Variants in CHEK2 observed in about 807,000 individuals in gnomAD.
CHEK2 encodes serine/threonine-protein kinase Chk2.
In CHEK2, 71 loss-of-function variants were observed where a neutral mutation model predicts 69.1. That is an observed-to-expected ratio of 1.03 (90% CI 0.85 to 1.25). The LOEUF is 1.25. CHEK2 is among the 50% of genes most tolerant of loss of function. The pLI is 0.00. For synonymous variants in CHEK2, 189 were observed against 226.9 expected (o/e 0.83, Z 1.50); for missense variants, 664 against 649.6 (o/e 1.02, Z -0.24).
At chr22:28,692,300 CATCAAA>C (rs576299845) in intron 13 of CHEK2, among the ~76,000 whole-genome samples, 457 of 152,226 alleles carry the variant, frequency 3.0e-3, no homozygotes, top group Admixed American at 8.3e-3. Context: ...TTCTCTTTTT[CATCAAA>C]ATTAAAATCC....
At chr22:28,741,449 T>C (rs1046617910) in intron 1 of CHEK2, among the ~76,000 whole-genome samples, 1 of 152,098 alleles carries the variant, frequency 6.6e-6, no homozygotes, top group African/African-American at 2.4e-5. Flanking sequence ...TCTATAAGTA[T>C]TTTATAGATT....
intron 4 of CHEK2, chr22:28,721,494 C>T (rs2053780450): frequency 8.5e-6 from 3 of 354,348 alleles, no homozygotes; most frequent in South Asian, 4.5e-5. Flanking sequence ...ACCACGTTGA[C>T]CAGGCTGGTC....
chr22:28,713,442 C>G (rs1044004115), intron 5 of CHEK2, among the ~76,000 whole-genome samples: 3 of 151,382 alleles, frequency 2.0e-5, no homozygotes, highest in African/African-American at 7.3e-5. Context: ...TCACCGCAAG[C>G]TCCGCCTCCC....
Position 28,710,050 on chromosome 22 carries a change from G to A in CHEK2, c.802C>T (p.Leu268Phe), listed in dbSNP as rs766462610. 6.4e-7 allele frequency: 1 copy of A among 1,560,276 alleles called. No homozygotes were observed. The highest frequency in any genetic ancestry group is 8.8e-7 in the Non-Finnish European group (1 of 1,133,386). Reference sequence around the variant, plus strand: ...ATTTCTATTTCTGTTTCAACATTGAGAGCTGGGTCCTTTGATAAACAGAAT... The same window carrying A: ...ATTTCTATTTCTGTTTCAACATTGAAAGCTGGGTCCTTTGATAAACAGAAT... ...IGSAREADPA[L>F]NVETEIEILK... The change falls in exon 7 of 15, where the codon CTC becomes TTC. Residue 268 changes from leucine (L) to phenylalanine (F), a missense_variant. Coordinates refer to ENST00000404276, the MANE Select transcript of CHEK2 (RefSeq NM_007194.4).
intron 4 of CHEK2, among the ~76,000 whole-genome samples, chr22:28,722,463 C>T (rs2053822510): frequency 1.3e-5 from 2 of 150,356 alleles, no homozygotes; most frequent in African/African-American, 4.9e-5. Context: ...TGGCGTGAAC[C>T]CAGGAGGCGG....
At chr22:28,696,020 A>C in intron 10 of CHEK2, 147 bp from the exon 11 acceptor site, 1 of 693,896 alleles carries the variant, frequency 1.4e-6, no homozygotes, top group East Asian at 2.7e-5. Flanking sequence ...TTACAGATTC[A>C]TGTCTTTGCA....
At chr22:28,719,843 CA>C (rs1282506713) in intron 4 of CHEK2, among the ~76,000 whole-genome samples, 1 of 152,104 alleles carries the variant, frequency 6.6e-6, no homozygotes, top group Non-Finnish European at 1.5e-5. Context: ...GGCCCAGAAT[CA>C]AAAAGCAATC....
intron 8 of CHEK2, among the ~76,000 whole-genome samples, chr22:28,700,694 G>A (rs942955478): frequency 2.0e-5 from 3 of 152,144 alleles, no homozygotes; most frequent in Non-Finnish European, 2.9e-5. Flanking sequence ...AAAAAATGGG[G>A]ATGATACCAT....
At chr22:28,709,110 CA>C (rs967682258) in intron 7 of CHEK2, 18 of 200,782 alleles carry the variant, frequency 9.0e-5, no homozygotes, top group South Asian at 3.7e-4. Context: ...GGGAAAAAAA[CA>C]AAAAAAAGCA....
At chr22:28,702,714 T>C (rs904602248) in intron 8 of CHEK2, among the ~76,000 whole-genome samples, 4 of 151,646 alleles carry the variant, frequency 2.6e-5, no homozygotes, top group African/African-American at 7.3e-5. Context: ...ACTCGGCTAA[T>C]TTTTGTATTT....
intron 5 of CHEK2, among the ~76,000 whole-genome samples, chr22:28,716,053 G>T (rs1300885654): frequency 6.6e-6 from 1 of 151,786 alleles, no homozygotes; most frequent in African/African-American, 2.4e-5. Context: ...TTTTTCTAGA[G>T]ACAGGATTTC....
intron 7 of CHEK2, among the ~76,000 whole-genome samples, chr22:28,708,250 C>T (rs887822300): frequency 4.6e-5 from 7 of 151,986 alleles, no homozygotes; most frequent in Non-Finnish European, 1.0e-4. Flanking sequence ...CCCAGCTACT[C>T]AGGAGGCTGA....
intron 1 of CHEK2, chr22:28,737,317 C>A (rs2054440841): frequency 6.3e-6 from 3 of 474,402 alleles, no homozygotes; most frequent in African/African-American, 2.0e-5. Flanking sequence ...AAATTGAGAT[C>A]TTTCACCTTT....
chr22:28,721,670 T>C (rs1307623975), intron 4 of CHEK2: 1 of 451,260 alleles, frequency 2.2e-6, no homozygotes, highest in Admixed American at 2.7e-5. Flanking sequence ...AGGTAATGCA[T>C]GTTAGCTCAA....
chr22:28,724,713 T>C (rs936017067), intron 4 of CHEK2: 2 of 437,856 alleles, frequency 4.6e-6, no homozygotes, highest in Non-Finnish European at 8.8e-6. Context: ...ATTACAGGCA[T>C]GCACCACCAT....
intron 8 of CHEK2, 98 bp downstream of exon 8, chr22:28,703,407 C>T (rs1485701928): frequency 1.4e-6 from 1 of 723,556 alleles, no homozygotes; most frequent in African/African-American, 1.8e-5. Context: ...TACGTTGAGG[C>T]CCCCCAGGAT....
At chr22:28,723,823 T>A (rs2053891114) in intron 4 of CHEK2, among the ~76,000 whole-genome samples, 1 of 151,694 alleles carries the variant, frequency 6.6e-6, no homozygotes, top group Non-Finnish European at 1.5e-5. Flanking sequence ...GTGGCATGTG[T>A]CTGTGGTCAC....
In CHEK2 at chr22:28,708,948, G is replaced by A. The variant is rs763289814; in HGVS notation, c.846+1058C>T. 27 of 307,768 alleles carry A rather than the reference G, an allele frequency of 8.8e-5. 1 individual carries two copies. The highest frequency in any genetic ancestry group is 3.3e-4 in the South Asian group (16 of 48,708). The allele number at this position is 307,768 out of a possible 1,614,324, so 19.1% of individuals were successfully genotyped here. On this transcript the variant is annotated intron_variant, in intron 7 of 14. Coordinates refer to ENST00000404276, the MANE Select transcript of CHEK2 (RefSeq NM_007194.4). The stretch of plus-strand genomic sequence containing the variant: ...AGCCTGGGTGACAGAGCGAGCCTCC[G>A]TCTCAAAAAAAAAAAAAAAAAAAAA...
At position 28,695,722 on chromosome 22, in the gene CHEK2, A is replaced by G. The variant is rs1555913642; in HGVS notation, c.1247T>C (p.Ile416Thr). Residue 416 changes from isoleucine (I) to threonine (T), a missense_variant, in exon 11 of 15, where the codon ATT becomes ACT. Physicochemically the swap from Ile to Thr is moderately conservative, Grantham distance 89. Transcript: ENST00000404276. ...AAATATTTCTTACCAGATAAAAAGA[A>G]TAACTCCTAAACTCCAGCAGTCCAC... Reference protein sequence around the residue: ...RAVDCWSLGVILFICLSGYPP... With the variant: ...RAVDCWSLGVTLFICLSGYPP... 6.2e-7 allele frequency: 1 copy of G among 1,613,712 alleles called. No individual in the cohort carries two copies. Among genetic ancestry groups the G allele is most frequent in the Non-Finnish European group, 8.5e-7 (1 of 1,179,638 alleles).
Sources: allele counts gnomAD v4.1 joint callset (sites outside exome capture counted in the v4.1 genomes callset), GRCh38; gene constraint gnomAD v4.1.1; transcripts MANE v1.5; gene names NCBI Gene and HGNC (gene_info 2026-07-23, HGNC 2026-07-21).